The following TM6SF1 variants were observed in gnomAD, a reference collection of about 807,000 sequenced individuals.
TM6SF1 encodes transmembrane 6 superfamily member 1.
TM6SF1 carries 43 observed loss-of-function variants against 47.1 expected under a neutral mutation model. The ratio of observed to expected loss-of-function variants is 0.91; its 90% CI spans 0.72 to 1.18. The LOEUF is 1.18. Ranked by LOEUF, TM6SF1 falls within the 50% of genes most tolerant of loss-of-function variation. The probability of loss-of-function intolerance (pLI) is 0.00; values close to 1 mark genes in which losing one functional copy is unlikely to be tolerated. For missense variants in TM6SF1, 390 were observed against 449.0 expected (o/e 0.87, Z 1.19); for synonymous variants, 177 against 166.3 (o/e 1.06, Z -0.49).
At chr15:83,126,507 C>T (rs2035760024) in intron 7 of TM6SF1, among the ~76,000 whole-genome samples, 1 of 152,136 alleles carries the variant, frequency 6.6e-6, no homozygotes, top group African/African-American at 2.4e-5. Flanking sequence ...GATACTTAAA[C>T]TCTGAATATC....
At chr15:83,122,085 T>C in intron 5 of TM6SF1, 82 bp downstream of exon 5, 1 of 1,097,018 alleles carries the variant, frequency 9.1e-7, no homozygotes, top group South Asian at 1.4e-5. Context: ...CTTTTAGTTA[T>C]AATAGAACCA....
intron 9 of TM6SF1, chr15:83,128,329 GT>G (rs1214201825): frequency 6.6e-6 from 1 of 152,146 alleles, no homozygotes; most frequent in African/African-American, 2.4e-5. Flanking sequence ...AATCCTTTCA[GT>G]TTGAGGTAAT....
At chr15:83,128,371 G>A (rs763135888) in intron 9 of TM6SF1, 5 of 152,140 alleles carry the variant, frequency 3.3e-5, no homozygotes, top group African/African-American at 9.7e-5. Flanking sequence ...TAGTAGTATC[G>A]AAAAAGTTGA....
chr15:83,126,863 A>T lies in TM6SF1; in HGVS notation c.801+16A>T. The T allele has an allele frequency of 6.3e-7, 1 of 1,580,070 alleles. No homozygotes were observed. The highest frequency in any genetic ancestry group is 8.6e-7 in the Non-Finnish European group (1 of 1,159,942). ...TAAAATTCAGGTCAAGTAGTTATGA[A>T]GCCTAAGATTTTTCTAAAATTAATT... is the stretch of plus-strand genomic sequence containing the variant. On this transcript the variant is annotated intron_variant, in intron 8 of 9. Transcript: ENST00000322019.
intron 3 of TM6SF1, 60 bp from the exon 4 acceptor site, chr15:83,119,518 C>A: frequency 6.5e-7 from 1 of 1,543,416 alleles, no homozygotes; most frequent in South Asian, 1.1e-5. Flanking sequence ...CAATACAGGT[C>A]TGATGTTCTG....
At chr15:83,135,998 C>T (rs2036583697) in intron 9 of TM6SF1, 1 of 152,392 alleles carries the variant, frequency 6.6e-6, no homozygotes, top group African/African-American at 2.4e-5. Flanking sequence ...CTGAGGTCCC[C>T]CCAGTGCTTC....
At chr15:83,110,588 G>A (rs1225983358) in intron 1 of TM6SF1, among the ~76,000 whole-genome samples, 2 of 152,166 alleles carry the variant, frequency 1.3e-5, no homozygotes, top group African/African-American at 4.8e-5. Flanking sequence ...GCAGGCCCTT[G>A]GTAGGAGTGA....
chr15:83,121,694 C>T (rs908063814), intron 4 of TM6SF1, among the ~76,000 whole-genome samples: 3 of 152,070 alleles, frequency 2.0e-5, no homozygotes, highest in Admixed American at 6.5e-5. Context: ...ACATAGCAGG[C>T]GTAATTTCCT....
intron 1 of TM6SF1, among the ~76,000 whole-genome samples, chr15:83,112,578 T>C (rs914107492): frequency 1.4e-4 from 21 of 152,084 alleles, no homozygotes; most frequent in African/African-American, 4.6e-4. Flanking sequence ...GAGGAGGACC[T>C]GATGGCTTCG....
intron 2 of TM6SF1, 114 bp downstream of exon 2, chr15:83,113,014 C>T: frequency 1.1e-6 from 1 of 899,148 alleles, no homozygotes; most frequent in Non-Finnish European, 1.8e-6. Context: ...GTAACAGTGG[C>T]TGCAAGTGTA....
intron 9 of TM6SF1, chr15:83,135,836 A>G (rs2036572806): frequency 6.6e-6 from 1 of 152,186 alleles, no homozygotes; most frequent in Non-Finnish European, 1.5e-5. Context: ...ACCTCCACCC[A>G]AGTTGGTAAC....
At chr15:83,122,459 C>A (rs553902066) in intron 5 of TM6SF1, among the ~76,000 whole-genome samples, 1 of 152,094 alleles carries the variant, frequency 6.6e-6, no homozygotes, top group Admixed American at 6.5e-5. Context: ...ATATAGATAC[C>A]TATCTAGATG....
chr15:83,136,527 AT>A lies in TM6SF1; in HGVS notation c.969del (p.Tyr323Ter). On this transcript the variant is annotated frameshift_variant, in exon 10 of 10. Coordinates refer to ENST00000322019, the MANE Select transcript of TM6SF1 (RefSeq NM_023003.5). LOFTEE classifies it high-confidence loss of function. ...GCATCTCTTCATGCTAGAACTGCTTATGTCTACAGAGTCCCTGAAGAAGCAA... is the reference window on the plus strand; with the variant it reads ...GCATCTCTTCATGCTAGAACTGCTTAGTCTACAGAGTCCCTGAAGAAGCAA... ...IGASLHARTAYVYRVPEEAKI... is the reference protein window; with the variant it reads ...IGASLHARTAXVYRVPEEAKI... 1 of 1,608,816 alleles carries A rather than the reference AT, an allele frequency of 6.2e-7. No individual in the cohort carries two copies. The highest frequency in any genetic ancestry group is 8.5e-7 in the Non-Finnish European group (1 of 1,178,712).
In TM6SF1 at chr15:83,107,854, G is replaced by A; in HGVS notation, c.92+82G>A. 1 of 1,487,060 alleles carries A rather than the reference G, an allele frequency of 6.7e-7. No individual in the cohort carries two copies. Among genetic ancestry groups the A allele is most frequent in the Non-Finnish European group, 8.9e-7 (1 of 1,117,416 alleles). 92.1% of individuals were successfully genotyped at this position (1,487,060 alleles called of 1,614,324 possible). A position where few individuals can be genotyped will look rare whatever the true frequency, so the allele number is the denominator to read the frequency against. The stretch of plus-strand genomic sequence containing the variant: ...GCGACGGGAGCCTCGCAACTTTTCC[G>A]AGGGGGCTGGGACCGTCCGCCGCGG... On this transcript the variant is annotated intron_variant, in intron 1 of 9. Coordinates refer to ENST00000322019, the MANE Select transcript of TM6SF1 (RefSeq NM_023003.5). This position sits in a 1 kb window ranked among gnomAD's most constrained non-coding sequence, Gnocchi z 5.6.
At position 83,136,495 on chromosome 15, in the gene TM6SF1, C is replaced by T. The variant is rs749696147; in HGVS notation, c.936C>T (p.His312=). 4 of 1,581,230 alleles carry T rather than the reference C, an allele frequency of 2.5e-6. No individual in the cohort carries two copies. In the East Asian group the frequency reaches 8.9e-5, roughly 35 times the overall value. The change falls in exon 10 of 10, where the codon CAC becomes CAT. Residue 312 remains histidine, a synonymous_variant. Coordinates refer to ENST00000322019, the MANE Select transcript of TM6SF1 (RefSeq NM_023003.5). ...AAATGCAACAGGCTCAGTTTTCTCA[C>T]ATTGGTGCATCTCTTCATGCTAGAA... The part of the protein sequence containing the change: ...AGGLAQAQFS[H]IGASLHARTA...
At chr15:83,128,476 T>C (rs2035963162) in intron 9 of TM6SF1, 1 of 152,220 alleles carries the variant, frequency 6.6e-6, no homozygotes, top group South Asian at 2.1e-4. Context: ...TTGTTTTTCC[T>C]TTGCAGACCT....
rs541747036 is a variant in TM6SF1 at position 83,126,735 on chromosome 15, G to A, written c.709-20G>A. 1 of 1,587,080 alleles carries A rather than the reference G, an allele frequency of 6.3e-7. No homozygotes were observed. The highest frequency in any genetic ancestry group is 1.4e-5 in the African/African-American group (1 of 73,848). On this transcript the variant is annotated intron_variant, in intron 7 of 9. Transcript: ENST00000322019. The stretch of plus-strand genomic sequence containing the variant: ...CCAGATGTGATTGTATTTTTATAAT[G>A]AGTTTATTTTTGTCCTTAGATTGCT...
At chr15:83,116,536 G>A (rs1417937233) in intron 3 of TM6SF1, among the ~76,000 whole-genome samples, 1 of 152,250 alleles carries the variant, frequency 6.6e-6, no homozygotes, top group Admixed American at 6.5e-5. Flanking sequence ...TCCATGTTCA[G>A]ATAATGGGGA....
At position 83,132,562 on chromosome 15, in the gene TM6SF1, A is replaced by AT. The variant is rs145775679; in HGVS notation, c.922-3909dup. The AT allele has an allele frequency of 1.4e-3, 196 of 138,218 alleles. 1 individual carries two copies. Among genetic ancestry groups the AT allele is most frequent in the Non-Finnish European group, 2.2e-3 (142 of 63,604 alleles). 8.6% of individuals were successfully genotyped at this position (138,218 alleles called of 1,614,324 possible). ...AAGAGTTTACTGAAGTAAATTTATC[A>AT]TTTTTTTTTTAACTTGAGACAGGGT... On this transcript the variant is annotated intron_variant, in intron 9 of 9. Transcript: ENST00000322019.
Sources: gnomAD v4.1 joint callset for allele counts (sites outside exome capture counted in the v4.1 genomes callset) on GRCh38, gnomAD v4.1.1 for gene constraint, Gnocchi (gnomAD v3.1) non-coding constraint, MANE v1.5 for transcripts, NCBI Gene and HGNC (gene_info 2026-07-23, HGNC 2026-07-21) for gene names.